ITPR2: variants seen among roughly 807,000 people sequenced by gnomAD.
ITPR2 encodes inositol 1,4,5-trisphosphate-gated calcium channel ITPR2.
Under a neutral mutation model 317.1 loss-of-function variants are expected in ITPR2, and 207 were observed. The observed-to-expected ratio is 0.65, with a 90% CI of 0.58 to 0.73. The LOEUF (loss-of-function observed/expected upper bound fraction) is 0.73, where lower values mean the gene tolerates loss of function less well. Among genes scored for constraint, ITPR2 ranks in the 30% least tolerant of loss-of-function variants. The probability of loss-of-function intolerance (pLI) is 0.00; values close to 1 mark genes in which losing one functional copy is unlikely to be tolerated. For missense variants in ITPR2, 2,613 were observed against 3,284.0 expected, an observed-to-expected ratio of 0.80 and a Z score of 4.99; for synonymous variants, 1,156 against 1,149.1, an observed-to-expected ratio of 1.01 and a Z score of -0.12.
chr12:26,652,280 C>T (rs1947275090), intron 21 of ITPR2, among the ~76,000 whole-genome samples: 1 of 152,192 alleles, frequency 6.6e-6, no homozygotes, highest in Non-Finnish European at 1.5e-5. Context: ...CCCCTCGCTT[C>T]TAGTTATGCT....
intron 36 of ITPR2, among the ~76,000 whole-genome samples, chr12:26,553,620 T>TA (rs957770638): frequency 2.6e-5 from 4 of 151,772 alleles, no homozygotes; most frequent in Admixed American, 1.3e-4. Context: ...CCCTGTCTCT[T>TA]AAAAAACAGA....
intron 37 of ITPR2, among the ~76,000 whole-genome samples, chr12:26,539,896 A>G (rs914347078): frequency 3.3e-5 from 5 of 152,236 alleles, no homozygotes; most frequent in Admixed American, 6.5e-5. Flanking sequence ...GGGAAGGTCA[A>G]TGTGCTGCAT....
chr12:26,470,040 C>T (rs1942261447), intron 45 of ITPR2, among the ~76,000 whole-genome samples: 1 of 152,224 alleles, frequency 6.6e-6, no homozygotes, highest in Non-Finnish European at 1.5e-5. Flanking sequence ...GAACGTCAGA[C>T]TGTCCCAACC....
chr12:26,405,098 C>A (rs1940305570), intron 52 of ITPR2, among the ~76,000 whole-genome samples: 1 of 150,740 alleles, frequency 6.6e-6, no homozygotes. Flanking sequence ...CGTGCCATTG[C>A]ACTCTAGCCT....
intron 39 of ITPR2, among the ~76,000 whole-genome samples, chr12:26,493,774 G>A (rs376209572): frequency 6.6e-6 from 1 of 152,050 alleles, no homozygotes; most frequent in Non-Finnish European, 1.5e-5. Context: ...CCCAGCACTC[G>A]GGCTCATGCA....
intron 14 of ITPR2, among the ~76,000 whole-genome samples, chr12:26,664,049 G>C (rs1019030491): frequency 6.6e-6 from 1 of 152,106 alleles, no homozygotes; most frequent in African/African-American, 2.4e-5. Flanking sequence ...CCTACATTGA[G>C]TGACAAAAAC....
intron 2 of ITPR2, among the ~76,000 whole-genome samples, chr12:26,784,640 G>A (rs1277562113): frequency 1.3e-5 from 2 of 151,266 alleles, no homozygotes; most frequent in Non-Finnish European, 2.9e-5. Context: ...TTGTTCACTC[G>A]GTGCTCAATG....
intron 15 of ITPR2, among the ~76,000 whole-genome samples, chr12:26,662,051 A>T (rs919806670): frequency 2.0e-5 from 3 of 152,214 alleles, no homozygotes; most frequent in Admixed American, 6.5e-5. Flanking sequence ...GGATTTGTTT[A>T]TATCACCCCT....
chr12:26,723,061 C>T (rs1242327880), intron 4 of ITPR2, among the ~76,000 whole-genome samples: 2 of 152,130 alleles, frequency 1.3e-5, no homozygotes, highest in Non-Finnish European at 2.9e-5. Context: ...ACACCTTCTG[C>T]CAGGGGATGC....
rs1166565781 is a variant in ITPR2, at chr12:26,342,509, G to T, written c.7858-2181C>A. On this transcript the variant is annotated intron_variant, in intron 55 of 56. Coordinates refer to ENST00000381340, the MANE Select transcript of ITPR2 (RefSeq NM_002223.4). ...TGGGTCACGGCGGTGGGGGGGGGGG[G>T]GGGGCGGGGGTCAGATCCCTCAGGA... 9.7e-5 allele frequency among the ~76,000 whole-genome samples: 7 copies of T among 71,930 alleles called. 2 individuals are homozygous for T. The highest frequency in any genetic ancestry group is 1.0e-3 in the South Asian group (2 of 2,002). 47.2% of individuals were successfully genotyped at this position (71,930 alleles called of 152,430 possible).
intron 51 of ITPR2, among the ~76,000 whole-genome samples, chr12:26,412,010 A>C (rs4381437): frequency 0.68 from 103,171 of 152,120 alleles, 35,652 homozygotes; most frequent in South Asian, 0.74. Context: ...AGAAAATAGT[A>C]ACCCTCCTAT....
At chr12:26,795,565 G>A (rs1177790836) in intron 1 of ITPR2, among the ~76,000 whole-genome samples, 2 of 151,848 alleles carry the variant, frequency 1.3e-5, no homozygotes, top group East Asian at 1.9e-4. Flanking sequence ...AGGACAAAAC[G>A]TAAAAGACCG....
At chr12:26,487,350 C>A in intron 39 of ITPR2, 99 bp from the exon 40 acceptor site, 1 of 744,760 alleles carries the variant, frequency 1.3e-6, no homozygotes, top group East Asian at 2.7e-5. Context: ...AAAGCACACA[C>A]TTAATGCACC....
At chr12:26,697,775 G>A (rs992515022) in intron 9 of ITPR2, among the ~76,000 whole-genome samples, 58 of 151,908 alleles carry the variant, frequency 3.8e-4, no homozygotes, top group African/African-American at 1.3e-3. Context: ...CCTGGATGAC[G>A]AAGTGAGACT....
chr12:26,785,828 T>TGG (rs1218339265), intron 2 of ITPR2, among the ~76,000 whole-genome samples: 1 of 39,018 alleles, frequency 2.6e-5, no homozygotes, highest in African/African-American at 7.7e-5. Flanking sequence ...GGGAGGGAGG[T>TGG]GGGGGGGTCA....
At chr12:26,588,693 G>C (rs2137093451) in intron 32 of ITPR2, among the ~76,000 whole-genome samples, 1 of 152,220 alleles carries the variant, frequency 6.6e-6, no homozygotes, top group South Asian at 2.1e-4. Context: ...TGTTAACAAA[G>C]TTGTAGAATA....
At chr12:26,465,597 C>T (rs941301462) in intron 45 of ITPR2, among the ~76,000 whole-genome samples, 1 of 149,004 alleles carries the variant, frequency 6.7e-6, no homozygotes, top group Non-Finnish European at 1.5e-5. Context: ...CTCTCTGTTC[C>T]TCTTGCTCCC....
intron 45 of ITPR2, among the ~76,000 whole-genome samples, chr12:26,462,711 G>A (rs986464055): frequency 2.1e-4 from 29 of 140,772 alleles, no homozygotes; most frequent in Admixed American, 1.1e-3. Context: ...TTGCTCTGTC[G>A]CCCAGGCTGG....
chr12:26,625,559 T>C (rs1946604818), intron 23 of ITPR2, among the ~76,000 whole-genome samples: 2 of 152,338 alleles, frequency 1.3e-5, no homozygotes, highest in Admixed American at 6.5e-5. Context: ...TGTAATTTTT[T>C]AATGTAAACT....
Sources: gnomAD v4.1 joint callset for allele counts (sites outside exome capture counted in the v4.1 genomes callset) on GRCh38, gnomAD v4.1.1 for gene constraint, MANE v1.5 for transcripts, NCBI Gene and HGNC (gene_info 2026-07-23, HGNC 2026-07-21) for gene names.